The following RPN1 variants were observed in gnomAD, a reference collection of about 807,000 sequenced individuals.
The protein encoded by RPN1 is ribophorin I.
In RPN1, 12 loss-of-function variants were observed where a neutral mutation model predicts 55.5. That is an observed-to-expected ratio of 0.22 (90% CI 0.14 to 0.35). The LOEUF (loss-of-function observed/expected upper bound fraction) is 0.35. Ranked by LOEUF, RPN1 falls within the 10% of genes least tolerant of loss-of-function variation. The pLI, the probability that RPN1 is intolerant of heterozygous loss-of-function variation, is 1.00. For missense variants in RPN1, 679 were observed against 761.3 expected (o/e 0.89, Z 1.27); for synonymous variants, 317 against 305.9 (o/e 1.04, Z -0.38).
Position 128,629,994 on chromosome 3 carries a change from G to A in RPN1, c.993C>T (p.Ile331=), listed in dbSNP as rs753057684. 14 of 1,613,316 alleles carry A rather than the reference G, an allele frequency of 8.7e-6. No homozygotes were observed. The highest frequency in any genetic ancestry group is 2.2e-5 in the East Asian group (1 of 44,884). ...CATAGCTTGGGAGGTTGTAGCCAAC[G>A]ATGTAATGGGTCTTCCACCCGCCAA... ...PLFGGWKTHY[I]VGYNLPSYEY... is the part of the protein sequence containing the mutation. Residue 331 remains isoleucine (I), a synonymous_variant, in exon 5 of 10, where the codon ATC becomes ATT. Transcript: ENST00000296255.
At chr3:128,648,531 G>C (rs2069786688) in intron 1 of RPN1, among the ~76,000 whole-genome samples, 1 of 151,874 alleles carries the variant, frequency 6.6e-6, no homozygotes, top group South Asian at 2.1e-4. Context: ...TTGCACTCCA[G>C]CATGGGCAAC....
intron 1 of RPN1, among the ~76,000 whole-genome samples, chr3:128,646,416 C>T (rs1014832812): frequency 3.0e-4 from 46 of 152,168 alleles, no homozygotes; most frequent in Non-Finnish European, 5.6e-4. Flanking sequence ...GGCATGGTGG[C>T]TCACGCCTGT....
intron 3 of RPN1, among the ~76,000 whole-genome samples, chr3:128,636,683 A>G (rs2069684326): frequency 6.6e-6 from 1 of 152,002 alleles, no homozygotes; most frequent in Admixed American, 6.6e-5. Flanking sequence ...CCTCCCAAGT[A>G]GCTGAGACTA....
intron 3 of RPN1, 146 bp downstream of exon 3, chr3:128,637,653 A>C: frequency 1.3e-6 from 1 of 765,052 alleles, no homozygotes; most frequent in South Asian, 1.8e-5. Context: ...GAGTCATTTC[A>C]CTGCAGGTTA....
intron 9 of RPN1, 47 bp downstream of exon 9, chr3:128,622,117 G>C (rs368184337): frequency 6.3e-7 from 1 of 1,598,754 alleles, no homozygotes; most frequent in African/African-American, 1.3e-5. Context: ...AAGCAGTGAG[G>C]CATGGAGGGC....
At position 128,637,800 on chromosome 3, in the gene RPN1, T is replaced by C; in HGVS notation, c.632A>G (p.Gln211Arg). 6.2e-7 allele frequency: 1 copy of C among 1,610,492 alleles called. No homozygotes were observed. Among genetic ancestry groups the C allele is most frequent in the Non-Finnish European group, 8.5e-7 (1 of 1,178,336 alleles). The change falls in exon 3 of 10, where the codon CAG (glutamine) becomes CGG (arginine). Residue 211 changes from glutamine to arginine, a missense_variant and splice_region_variant. Gln to Arg is a conservative substitution (Grantham distance 43). Around this residue, in one of 3 missense-constraint regions of RPN1, gnomAD observed 352 missense variants for 352.8 expected, o/e 1.00. Transcript: ENST00000296255. ...GGGCTGGACTCCACCTGAGCTTACC[T>C]GACTATAGGCAGGCACATCTCTGAA... is the stretch of plus-strand genomic sequence containing the variant. The part of the protein sequence containing the change: ...GPFRDVPAYS[Q>R]DTFKVHYENN...
chr3:128,646,007 G>A (rs564178797), intron 1 of RPN1, among the ~76,000 whole-genome samples: 30 of 152,200 alleles, frequency 2.0e-4, no homozygotes, highest in African/African-American at 7.0e-4. Flanking sequence ...CACTTTGGGA[G>A]GCCAAGGTGG....
intron 9 of RPN1, 132 bp from the exon 10 acceptor site, chr3:128,620,725 T>A: frequency 1.0e-6 from 1 of 953,322 alleles, no homozygotes. Flanking sequence ...AACAGCACAG[T>A]GTCCCAGGGC....
chr3:128,633,966 G>A (rs920128634), intron 3 of RPN1, among the ~76,000 whole-genome samples: 30 of 152,032 alleles, frequency 2.0e-4, no homozygotes, highest in Admixed American at 1.3e-4. Flanking sequence ...CTGGGCAACA[G>A]AGCGAGACTG....
intron 3 of RPN1, among the ~76,000 whole-genome samples, chr3:128,635,856 A>G (rs1576796324): frequency 6.6e-6 from 1 of 151,146 alleles, no homozygotes; most frequent in Non-Finnish European, 1.5e-5. Context: ...AACTTGTTAT[A>G]TAAAACTTGT....
chr3:128,633,656 T>A (rs191336607), intron 3 of RPN1, among the ~76,000 whole-genome samples: 1 of 152,194 alleles, frequency 6.6e-6, no homozygotes. Context: ...TGTTTAACTA[T>A]AGAAACTTGG....
At chr3:128,642,815 G>A (rs1423445856) in intron 2 of RPN1, among the ~76,000 whole-genome samples, 1 of 150,062 alleles carries the variant, frequency 6.7e-6, no homozygotes, top group Non-Finnish European at 1.5e-5. Context: ...TGAGGAGTTC[G>A]AGACCAGCCT....
intron 3 of RPN1, among the ~76,000 whole-genome samples, chr3:128,634,421 T>C (rs140847293): frequency 9.3e-4 from 141 of 152,226 alleles, no homozygotes; most frequent in African/African-American, 3.2e-3. Context: ...CAATACTTTA[T>C]ACATAATATG....
At chr3:128,642,298 A>C (rs140001956) in intron 2 of RPN1, 3 of 152,374 alleles carry the variant, frequency 2.0e-5, no homozygotes, top group African/African-American at 7.2e-5. Context: ...ATCACCACGC[A>C]TTAAAATGTG....
chr3:128,626,873 G>T, intron 5 of RPN1, 41 bp from the exon 6 acceptor site: 1 of 1,562,542 alleles, frequency 6.4e-7, no homozygotes, highest in South Asian at 1.1e-5. Flanking sequence ...GTGGAAAACG[G>T]ATCAAATGGG....
chr3:128,650,702 A>G lies in RPN1; in HGVS notation c.99T>C (p.Asn33=), dbSNP rs764417908. 2.7e-5 allele frequency: 42 copies of G among 1,569,608 alleles called. No homozygotes were observed. The Admixed American group carries it at 3.2e-4, about 12-fold the overall frequency. Residue 33 remains asparagine (N), a synonymous_variant, in exon 1 of 10, where the codon AAT becomes AAC. Coordinates refer to ENST00000296255, the MANE Select transcript of RPN1 (RefSeq NM_002950.4). ...SASSEAPPLI[N]EDVKRTVDLS... is the part of the protein sequence containing the mutation. ...GGTCCACTGTGCGCTTCACGTCCTC[A>G]TTGATCAGCGGCGGTGCCTCGGAGG...
At position 128,625,610 on chromosome 3, in the gene RPN1, A is replaced by G; in HGVS notation, c.1319T>C (p.Leu440Pro). The change falls in exon 8 of 10, where the codon CTG becomes CCG. Residue 440 changes from leucine (L) to proline (P), a missense_variant. By Grantham distance (98) the Leu-to-Pro change is moderately conservative. Coordinates refer to ENST00000296255, the MANE Select transcript of RPN1 (RefSeq NM_002950.4). Reference protein sequence around the residue: ...FNKVLMLQEPLLVVAAFYILF... With the variant: ...FNKVLMLQEPPLVVAAFYILF... The stretch of plus-strand genomic sequence containing the variant: ...GATGTAGAAGGCCGCCACCACCAGC[A>G]GGGGCTCCTGCAGCATGAGCACCTT... The G allele has an allele frequency of 6.2e-7, 1 of 1,614,118 alleles. No individual in the cohort carries two copies.
At chr3:128,637,239 TA>T (rs796996888) in intron 3 of RPN1, among the ~76,000 whole-genome samples, 8 of 149,268 alleles carry the variant, frequency 5.4e-5, no homozygotes, top group East Asian at 1.9e-4. Flanking sequence ...TCCTGTCTCT[TA>T]AAAAAAAAAA....
At chr3:128,626,644 T>G in intron 6 of RPN1, 89 bp downstream of exon 6, 1 of 1,116,730 alleles carries the variant, frequency 9.0e-7, no homozygotes, top group Non-Finnish European at 1.4e-6. Flanking sequence ...ACACAAAGAC[T>G]GTGCCCCTAG....
Sources: allele counts gnomAD v4.1 joint callset (sites outside exome capture counted in the v4.1 genomes callset), GRCh38; gene constraint gnomAD v4.1.1; regional missense constraint gnomAD v4.1.1; transcripts MANE v1.5; gene names NCBI Gene and HGNC (gene_info 2026-07-23, HGNC 2026-07-21).